Variants in ZKSCAN1 observed in about 807,000 individuals in gnomAD.
ZKSCAN1 encodes the protein zinc finger with KRAB and SCAN domains 1.
ZKSCAN1 carries 14 observed loss-of-function variants against 51.6 expected under a neutral mutation model. That is an observed-to-expected ratio of 0.27 (90% CI 0.18 to 0.42). The LOEUF (loss-of-function observed/expected upper bound fraction) is 0.42. ZKSCAN1 is among the 10% of genes least tolerant of loss of function. The pLI is 1.00. For synonymous variants in ZKSCAN1, 263 were observed against 261.5 expected (o/e 1.01, Z -0.06); for missense variants, 531 against 710.0 (o/e 0.75, Z 2.86).
rs750888190 is a variant in ZKSCAN1, at chr7:100,030,270, A to G, written c.694A>G (p.Met232Val). The G allele has an allele frequency of 1.9e-5, 31 of 1,611,480 alleles. No homozygotes were observed. The Middle Eastern group carries it at 6.6e-4, about 34-fold the overall frequency. Residue 232 changes from methionine (M) to valine (V), a missense_variant, in exon 5 of 6, where the codon ATG becomes GTG. Transcript: ENST00000324306. ...DSQAMVKIED[M>V]AVSLILEEWG... The stretch of plus-strand genomic sequence containing the variant: ...TTAGGCAATGGTGAAGATCGAGGAC[A>G]TGGCTGTGTCCCTCATTCTGGAGGA...
downstream of ZKSCAN1, among the ~76,000 whole-genome samples, chr7:100,044,579 G>T (rs1791676961): frequency 6.6e-6 from 1 of 151,684 alleles, no homozygotes; most frequent in South Asian, 2.1e-4. Flanking sequence ...TGCTCGGGAG[G>T]CTGAGGCAGG....
At position 100,038,436 on chromosome 7, in the gene ZKSCAN1, A is replaced by C; in HGVS notation, c.*4239A>C. On this transcript the variant is annotated 3_prime_UTR_variant, in exon 6 of 6. Coordinates refer to ENST00000324306, the MANE Select transcript of ZKSCAN1 (RefSeq NM_003439.4). Reference sequence around the variant, plus strand: ...GAGATTGGTAAATTTCTGAGGAAAGACAGGCTAATGGGGCACTGAAATGGA... The same window carrying C: ...GAGATTGGTAAATTTCTGAGGAAAGCCAGGCTAATGGGGCACTGAAATGGA... The C allele has an allele frequency of 2.0e-6, 2 of 985,456 alleles. No individual in the cohort carries two copies. The highest frequency in any genetic ancestry group is 2.4e-6 in the Non-Finnish European group (2 of 829,948). The allele number at this position is 985,456 out of a possible 1,614,324, so 61.0% of individuals were successfully genotyped here.
rs927844196 is a variant in ZKSCAN1 at position 100,024,434 on chromosome 7, A to G, written c.580+127A>G. 21 of 1,242,536 alleles carry G rather than the reference A, an allele frequency of 1.7e-5. 1 individual carries two copies. Among genetic ancestry groups the G allele is most frequent in the East Asian group, 1.5e-4 (6 of 39,212 alleles). 77.0% of individuals were successfully genotyped at this position (1,242,536 alleles called of 1,614,324 possible). On this transcript the variant is annotated intron_variant, in intron 3 of 5. Coordinates refer to ENST00000324306, the MANE Select transcript of ZKSCAN1 (RefSeq NM_003439.4). The stretch of plus-strand genomic sequence containing the variant: ...CGTAGCGAGACCCCATCTCTACAAA[A>G]AATAGAAAAATTAGCCAGGTATAGT...
downstream of ZKSCAN1, chr7:100,044,789 G>A: frequency 1.0e-6 from 1 of 983,282 alleles, no homozygotes; most frequent in Non-Finnish European, 1.2e-6. Flanking sequence ...TTTAGCAAAT[G>A]TCTTTGCAGC....
intron 3 of ZKSCAN1, 85 bp downstream of exon 3, chr7:100,024,392 A>G: frequency 6.6e-7 from 1 of 1,519,032 alleles, no homozygotes; most frequent in South Asian, 1.2e-5. Flanking sequence ...ATGAAGAAGC[A>G]TGTTAGTCCT....
At chr7:100,029,755 C>T (rs1215030507) in intron 3 of ZKSCAN1, 106 bp from the exon 4 acceptor site, 3 of 1,071,276 alleles carry the variant, frequency 2.8e-6, no homozygotes, top group Non-Finnish European at 1.4e-6. Flanking sequence ...GACCTAAACA[C>T]TGAACAGTGA....
Position 100,036,028 on chromosome 7 carries a change from T to A in ZKSCAN1, c.*1831T>A, listed in dbSNP as rs963272657. Reference sequence around the variant, plus strand: ...GTTTGAGACTTTCCCTTGAGAAACTTATACTAAAACTATTACTCATCAGTC... The same window carrying A: ...GTTTGAGACTTTCCCTTGAGAAACTAATACTAAAACTATTACTCATCAGTC... On this transcript the variant is annotated 3_prime_UTR_variant, in exon 6 of 6. Transcript: ENST00000324306. The A allele has an allele frequency of 3.0e-6, 3 of 985,318 alleles. No homozygotes were observed. Among genetic ancestry groups the A allele is most frequent in the Non-Finnish European group, 2.4e-6 (2 of 829,938 alleles). The allele number at this position is 985,318 out of a possible 1,614,324, so 61.0% of individuals were successfully genotyped here. A position where few individuals can be genotyped will look rare whatever the true frequency, so the allele number is the denominator to read the frequency against.
chr7:100,020,474 G>A (rs145520057), intron 1 of ZKSCAN1, among the ~76,000 whole-genome samples: 1 of 151,882 alleles, frequency 6.6e-6, no homozygotes, highest in African/African-American at 2.4e-5. Flanking sequence ...TGAAGGCAGG[G>A]AACCAAAGAA....
rs1791310912 is a variant in ZKSCAN1 at position 100,035,362 on chromosome 7, C to G, written c.*1165C>G. The G allele has an allele frequency of 6.6e-6, 1 of 152,062 alleles. No individual in the cohort carries two copies. Among genetic ancestry groups the G allele is most frequent in the African/African-American group, 2.4e-5 (1 of 41,410 alleles). 9.4% of individuals were successfully genotyped at this position (152,062 alleles called of 1,614,324 possible). A position where few individuals can be genotyped will look rare whatever the true frequency, so the allele number is the denominator to read the frequency against. On this transcript the variant is annotated 3_prime_UTR_variant, in exon 6 of 6. Coordinates refer to ENST00000324306, the MANE Select transcript of ZKSCAN1 (RefSeq NM_003439.4). ...ACAGTGAGTAAATACCATGGAATGT[C>G]AGAAATGACTTTATCATCGTCATCT...
intron 1 of ZKSCAN1, among the ~76,000 whole-genome samples, chr7:100,015,946 G>A (rs1271046866): frequency 6.6e-6 from 1 of 152,208 alleles, no homozygotes; most frequent in Non-Finnish European, 1.5e-5. Context: ...GCGGGGAGGG[G>A]GCGAGGGTTT....
intron 3 of ZKSCAN1, among the ~76,000 whole-genome samples, chr7:100,026,660 GGTTGTGGTGAGCCAAGA>G (rs1236496137): frequency 6.6e-6 from 1 of 151,954 alleles, no homozygotes; most frequent in Non-Finnish European, 1.5e-5. Flanking sequence ...TGTAGGCAGA[GGTTGTGGTGAGCCAAGA>G]TTGCACCACT....
intron 1 of ZKSCAN1, among the ~76,000 whole-genome samples, chr7:100,018,837 G>T (rs1310393481): frequency 6.6e-6 from 1 of 152,232 alleles, no homozygotes; most frequent in East Asian, 1.9e-4. Context: ...CAGAGTAGGA[G>T]CAGAGAGATA....
rs1168794502 is a variant in ZKSCAN1 at position 100,036,786 on chromosome 7, A to AT, written c.*2595dup. 1.0e-6 allele frequency: 1 copy of AT among 982,636 alleles called. No individual in the cohort carries two copies. The highest frequency in any genetic ancestry group is 1.8e-5 in the African/African-American group (1 of 56,730). The allele number at this position is 982,636 out of a possible 1,614,324, so 60.9% of individuals were successfully genotyped here. A position where few individuals can be genotyped will look rare whatever the true frequency, so the allele number is the denominator to read the frequency against. ...ACTCCAGGCAACGACCCAAGCACTT[A>AT]TTTTTTAAGAGGGAAAGGACTTTGG... is the stretch of plus-strand genomic sequence containing the variant. On this transcript the variant is annotated 3_prime_UTR_variant, in exon 6 of 6. Coordinates refer to ENST00000324306, the MANE Select transcript of ZKSCAN1 (RefSeq NM_003439.4).
At chr7:100,018,444 A>G (rs1215700283) in intron 1 of ZKSCAN1, among the ~76,000 whole-genome samples, 1 of 150,884 alleles carries the variant, frequency 6.6e-6, no homozygotes, top group Non-Finnish European at 1.5e-5. Context: ...TCGCTCTGTC[A>G]CCCAGGCTGG....
At position 100,031,170 on chromosome 7, in the gene ZKSCAN1, C is replaced by T. The variant is rs915941226; in HGVS notation, c.799+795C>T. On this transcript the variant is annotated intron_variant, in intron 5 of 5. Coordinates refer to ENST00000324306, the MANE Select transcript of ZKSCAN1 (RefSeq NM_003439.4). Reference sequence around the variant, plus strand: ...GAGGGCAAAGGGAGTGTGAATAAAGCGTGAACATGAAGGATGTTACTAATG... The same window carrying T: ...GAGGGCAAAGGGAGTGTGAATAAAGTGTGAACATGAAGGATGTTACTAATG... Among the ~76,000 whole-genome samples the T allele has an allele frequency of 6.6e-5, 10 of 151,656 alleles. No homozygotes were observed. In the East Asian group the frequency reaches 1.7e-3, roughly 26 times the overall value.
rs1237215097 is a variant in ZKSCAN1, at chr7:100,037,248, G to T, written c.*3051G>T. 1.0e-6 allele frequency: 1 copy of T among 985,288 alleles called. No homozygotes were observed. Among genetic ancestry groups the T allele is most frequent in the Admixed American group, 6.2e-5 (1 of 16,260 alleles). 61.0% of individuals were successfully genotyped at this position (985,288 alleles called of 1,614,324 possible). A position where few individuals can be genotyped will look rare whatever the true frequency, so the allele number is the denominator to read the frequency against. ...ACATTCTACAGTTAACCATTAGCAT[G>T]CTAGTTGTCCTAATGGAAATTTTTG... On this transcript the variant is annotated 3_prime_UTR_variant, in exon 6 of 6. Transcript: ENST00000324306.
chr7:100,019,710 G>T (rs531039136), intron 1 of ZKSCAN1, among the ~76,000 whole-genome samples: 141 of 150,066 alleles, frequency 9.4e-4, no homozygotes, highest in Middle Eastern at 3.4e-3. Flanking sequence ...TTCTTCTTTT[G>T]TTTTTTTTTG....
At position 100,037,544 on chromosome 7, in the gene ZKSCAN1, A is replaced by C; in HGVS notation, c.*3347A>C. 1.0e-6 allele frequency: 1 copy of C among 985,506 alleles called. No individual in the cohort carries two copies. The allele number at this position is 985,506 out of a possible 1,614,324, so 61.0% of individuals were successfully genotyped here. ...GAAAGGAGCCTCCTGAATGTGATGA[A>C]TACGGCAAAGCCTTTAATCACATCT... On this transcript the variant is annotated 3_prime_UTR_variant, in exon 6 of 6. Transcript: ENST00000324306.
intron 1 of ZKSCAN1, among the ~76,000 whole-genome samples, chr7:100,021,927 A>G (rs528310730): frequency 6.6e-6 from 1 of 151,726 alleles, no homozygotes; most frequent in South Asian, 2.1e-4. Context: ...TCTTTTTCAT[A>G]GGGACAGGGT....
Sources: allele counts gnomAD v4.1 joint callset (sites outside exome capture counted in the v4.1 genomes callset), GRCh38; gene constraint gnomAD v4.1.1; transcripts MANE v1.5; gene names NCBI Gene and HGNC (gene_info 2026-07-23, HGNC 2026-07-21).